PCDHA3: variants seen among roughly 807,000 people sequenced by gnomAD.
PCDHA3 encodes the protein protocadherin alpha 3.
Under a neutral mutation model 62.2 loss-of-function variants are expected in PCDHA3, and 41 were observed. The observed-to-expected ratio is 0.66, with a 90% CI of 0.51 to 0.86. The LOEUF is 0.86. Ranked by LOEUF, PCDHA3 falls within the 40% of genes least tolerant of loss-of-function variation. The pLI is 0.00. For synonymous variants in PCDHA3, 640 were observed against 555.4 expected (o/e 1.15, Z -2.14); for missense variants, 1,304 against 1,241.2 (o/e 1.05, Z -0.76).
At chr5:140,888,394 C>T (rs1554183448) in intron 1 of PCDHA3, among the ~76,000 whole-genome samples, 2 of 152,134 alleles carry the variant, frequency 1.3e-5, no homozygotes, top group African/African-American at 2.4e-5. Flanking sequence ...TGCTAAACAC[C>T]ATCCAATTGC....
At chr5:140,993,883 A>G (rs1256857317) in intron 3 of PCDHA3, among the ~76,000 whole-genome samples, 1 of 152,228 alleles carries the variant, frequency 6.6e-6, no homozygotes, top group East Asian at 1.9e-4. Flanking sequence ...AGTACGCTCT[A>G]TGATGTCCAT....
chr5:140,869,293 T>C, intron 1 of PCDHA3: 2 of 1,613,604 alleles, frequency 1.2e-6, no homozygotes, highest in African/African-American at 1.3e-5. Flanking sequence ...GCAGCGCCTG[T>C]TCCGGGTGGC....
Position 140,803,067 on chromosome 5 carries a change from G to T in PCDHA3, c.1870G>T (p.Val624Leu), listed in dbSNP as rs1763105325. The change falls in exon 1 of 4, where the codon GTG (valine) becomes TTG (leucine). Residue 624 changes from valine (V) to leucine (L), a missense_variant. Physicochemically the swap from Val to Leu is conservative, Grantham distance 32. Coordinates refer to ENST00000522353, the MANE Select transcript of PCDHA3 (RefSeq NM_018906.3). ...GTGGARIPFRVGLYTGEISTT... is the reference protein window; with the variant it reads ...GTGGARIPFRLGLYTGEISTT... ...CGGCGGTGCGCGCATCCCGTTTCGC[G>T]TGGGGCTGTACACGGGAGAGATCAG... The T allele has an allele frequency of 6.2e-7, 1 of 1,613,948 alleles. No homozygotes were observed. The highest frequency in any genetic ancestry group is 8.5e-7 in the Non-Finnish European group (1 of 1,179,952).
chr5:140,967,340 C>G, intron 1 of PCDHA3: 1 of 1,607,862 alleles, frequency 6.2e-7, no homozygotes. Flanking sequence ...CCCCAGCGAG[C>G]ACTTCGAGCT....
rs572043416 is a variant in PCDHA3 at position 140,803,675 on chromosome 5, G to A, written c.2394+84G>A. On this transcript the variant is annotated intron_variant, in intron 1 of 3. Coordinates refer to ENST00000522353, the MANE Select transcript of PCDHA3 (RefSeq NM_018906.3). ...CCACTCCTCTGGAAATACATTAATA[G>A]TTAAGTATGAATTATGTGATTCATA... 16 of 1,592,166 alleles carry A rather than the reference G, an allele frequency of 1.0e-5. No homozygotes were observed. In the African/African-American group the frequency reaches 1.9e-4, roughly 19 times the overall value.
Position 140,856,993 on chromosome 5 carries a change from T to C in PCDHA3, c.2394+53402T>C, listed in dbSNP as rs201643490. Reference sequence around the variant, plus strand: ...TTGACTTTGAGGACAGTAACACTTATGAAATTCATGTAGATGTTACAGATA... The same window carrying C: ...TTGACTTTGAGGACAGTAACACTTACGAAATTCATGTAGATGTTACAGATA... On this transcript the variant is annotated intron_variant, in intron 1 of 3. Coordinates refer to ENST00000522353, the MANE Select transcript of PCDHA3 (RefSeq NM_018906.3). The C allele has an allele frequency of 7.3e-5, 117 of 1,595,326 alleles. 13 individuals are homozygous for C. The highest frequency in any genetic ancestry group is 9.6e-5 in the Non-Finnish European group (112 of 1,165,156).
At chr5:140,827,941 C>T in intron 1 of PCDHA3, 1 of 1,174,956 alleles carries the variant, frequency 8.5e-7, no homozygotes, top group Admixed American at 2.3e-5. Flanking sequence ...TATAGCTAGC[C>T]AACATTCAAA....
Position 140,801,684 on chromosome 5 carries a change from G to C in PCDHA3, c.487G>C (p.Gly163Arg), listed in dbSNP as rs782708273. 2.5e-6 allele frequency: 4 copies of C among 1,614,204 alleles called. No individual in the cohort carries two copies. Among genetic ancestry groups the C allele is most frequent in the Non-Finnish European group, 3.4e-6 (4 of 1,180,046 alleles). Reference protein sequence around the residue: ...SLEGASDADIGTNSLLTYSLD... With the variant: ...SLEGASDADIRTNSLLTYSLD... ...AGAGGGCGCATCAGATGCAGATATCGGAACAAATTCGTTGTTGACTTACAG... is the reference window on the plus strand; with the variant it reads ...AGAGGGCGCATCAGATGCAGATATCCGAACAAATTCGTTGTTGACTTACAG... Residue 163 changes from glycine to arginine, a missense_variant, in exon 1 of 4, where the codon GGA (glycine) becomes CGA (arginine). By Grantham distance (125) the Gly-to-Arg change is moderately radical. Transcript: ENST00000522353.
At chr5:140,889,027 C>A (rs1004891593) in intron 1 of PCDHA3, among the ~76,000 whole-genome samples, 5 of 151,910 alleles carry the variant, frequency 3.3e-5, no homozygotes, top group African/African-American at 1.2e-4. Context: ...CCTTGGATAA[C>A]CGTAATTTGA....
intron 1 of PCDHA3, chr5:140,842,622 C>T (rs2150340886): frequency 1.3e-6 from 2 of 1,579,180 alleles, no homozygotes; most frequent in East Asian, 2.2e-5. Flanking sequence ...GGCTCGCCTT[C>T]GCTGTGGGCC....
At chr5:140,829,083 C>T (rs2150162382) in intron 1 of PCDHA3, 3 of 1,611,052 alleles carry the variant, frequency 1.9e-6, no homozygotes, top group Non-Finnish European at 2.5e-6. Flanking sequence ...CCTCCCATGG[C>T]GGGTCATTGC....
At chr5:140,850,104 G>A (rs2150467227) in intron 1 of PCDHA3, 1 of 1,596,106 alleles carries the variant, frequency 6.3e-7, no homozygotes, top group Non-Finnish European at 8.6e-7. Flanking sequence ...CCAGGTGAGC[G>A]CGCGCGACGC....
chr5:140,832,938 T>C (rs1176338223), intron 1 of PCDHA3, among the ~76,000 whole-genome samples: 1 of 152,010 alleles, frequency 6.6e-6, no homozygotes, highest in Non-Finnish European at 1.5e-5. Context: ...GAGAAGAGAG[T>C]AACTTAAGTG....
At chr5:140,979,868 C>T (rs1554241158) in intron 2 of PCDHA3, among the ~76,000 whole-genome samples, 1 of 152,160 alleles carries the variant, frequency 6.6e-6, no homozygotes. Context: ...AATATCTGGG[C>T]AACTATCAAG....
chr5:140,958,872 G>T (rs993434831), intron 1 of PCDHA3, among the ~76,000 whole-genome samples: 1 of 151,970 alleles, frequency 6.6e-6, no homozygotes, highest in Non-Finnish European at 1.5e-5. Context: ...GTTTATAAAA[G>T]AATTGACCAG....
In PCDHA3 at chr5:140,850,260, G is replaced by T. The variant is rs2150476183; in HGVS notation, c.2394+46669G>T. On this transcript the variant is annotated intron_variant, in intron 1 of 3. Transcript: ENST00000522353. Reference sequence around the variant, plus strand: ...GGTGCTGCGGTCGGTGGGCGCCGGCGTAGTGGTGGGGAAGGTGCGCGCAGT... The same window carrying T: ...GGTGCTGCGGTCGGTGGGCGCCGGCTTAGTGGTGGGGAAGGTGCGCGCAGT... 1.2e-4 allele frequency: 186 copies of T among 1,594,256 alleles called. 15 individuals carry two copies. The highest frequency in any genetic ancestry group is 2.2e-4 in the Middle Eastern group (1 of 4,474).
Position 140,849,890 on chromosome 5 carries a change from G to A in PCDHA3, c.2394+46299G>A, listed in dbSNP as rs17844330. ...AGTCCGAGTACACGGTGTTCGTGAA[G>A]GAGAACAACCCGCCGGGCTGCCACA... On this transcript the variant is annotated intron_variant, in intron 1 of 3. Transcript: ENST00000522353. 4.5e-4 allele frequency: 715 copies of A among 1,598,648 alleles called. 25 individuals are homozygous for A. In the East Asian group the frequency reaches 0.016, roughly 35 times the overall value.
intron 1 of PCDHA3, among the ~76,000 whole-genome samples, chr5:140,881,897 C>T (rs2058860141): frequency 6.6e-6 from 1 of 152,146 alleles, no homozygotes; most frequent in African/African-American, 2.4e-5. Context: ...CAATTGTCAG[C>T]TAATATAAAA....
intron 3 of PCDHA3, among the ~76,000 whole-genome samples, chr5:140,983,060 A>G (rs1460099092): frequency 6.6e-6 from 1 of 152,120 alleles, no homozygotes; most frequent in Non-Finnish European, 1.5e-5. Flanking sequence ...TATCGGAACC[A>G]AGGCATTGTT....
Sources: gnomAD v4.1 joint callset for allele counts (sites outside exome capture counted in the v4.1 genomes callset) on GRCh38, gnomAD v4.1.1 for gene constraint, MANE v1.5 for transcripts, NCBI Gene and HGNC (gene_info 2026-07-23, HGNC 2026-07-21) for gene names.